LRRC37A2: variants seen among roughly 807,000 people sequenced by gnomAD.
LRRC37A2 encodes leucine-rich repeat-containing protein 37A2.
A neutral mutation model predicts 68.8 loss-of-function variants in LRRC37A2; 9 were observed. The ratio of observed to expected loss-of-function variants is 0.13; its 90% CI spans 0.08 to 0.23. LRRC37A2 has a LOEUF of 0.23. Ranked by LOEUF, LRRC37A2 falls within the 10% of genes least tolerant of loss-of-function variation. The pLI is 1.00. For missense variants in LRRC37A2, 168 were observed against 950.4 expected (o/e 0.18, Z 10.82); for synonymous variants, 63 against 367.6 (o/e 0.17, Z 9.48).
At chr17:46,824,731 C>A in the LRRC37A2 span, among the ~76,000 whole-genome samples, 2 of 152,244 alleles carry the variant, frequency 1.3e-5, no homozygotes, top group Non-Finnish European at 2.9e-5. Flanking sequence ...GGAGAGGGAG[C>A]AGGCAGGGCC....
the LRRC37A2 span, among the ~76,000 whole-genome samples, chr17:46,993,073 ATTTT>A: frequency 6.7e-6 from 1 of 149,304 alleles, no homozygotes; most frequent in African/African-American, 2.5e-5. Context: ...AGAGATTTTG[ATTTT>A]TTTTTTTTTT....
chr17:46,552,397 G>A (rs1475287455), intron 11 of LRRC37A2: 1 of 15,462 alleles, frequency 6.5e-5, no homozygotes, highest in Non-Finnish European at 1.2e-4. Context: ...GGATCCTCCT[G>A]CCTCAGCTTC....
the LRRC37A2 span, chr17:46,978,597 C>T: frequency 2.0e-6 from 3 of 1,535,356 alleles, no homozygotes; most frequent in East Asian, 2.6e-5. Context: ...TCCGGGTCTC[C>T]GGGGTCCTTC....
At chr17:46,912,027 G>A in the LRRC37A2 span, among the ~76,000 whole-genome samples, 5 of 152,198 alleles carry the variant, frequency 3.3e-5, no homozygotes, top group South Asian at 2.1e-4. Flanking sequence ...AACCCCCATC[G>A]CTTGATGTGA....
chr17:47,018,565 G>A, the LRRC37A2 span: 2 of 1,520,144 alleles, frequency 1.3e-6, no homozygotes, highest in Non-Finnish European at 1.8e-6. Flanking sequence ...CAGCACGGGG[G>A]CCCACATCTG....
the LRRC37A2 span, among the ~76,000 whole-genome samples, chr17:46,859,209 C>A: frequency 1.3e-5 from 2 of 152,136 alleles, no homozygotes; most frequent in Non-Finnish European, 2.9e-5. Flanking sequence ...CTCCTGACCT[C>A]AGGTGATCCA....
chr17:46,958,883 T>C, the LRRC37A2 span, among the ~76,000 whole-genome samples: 1 of 152,222 alleles, frequency 6.6e-6, no homozygotes, highest in Non-Finnish European at 1.5e-5. Context: ...GGCCCCTCAG[T>C]TTCCTCTACA....
the LRRC37A2 span, among the ~76,000 whole-genome samples, chr17:46,869,903 G>A: frequency 2.0e-5 from 3 of 152,082 alleles, no homozygotes; most frequent in African/African-American, 7.3e-5. Context: ...GGAGGCTGAG[G>A]CAGGAGAATT....
the LRRC37A2 span, chr17:46,935,197 A>G: frequency 1.9e-6 from 3 of 1,612,990 alleles, no homozygotes; most frequent in Non-Finnish European, 2.5e-6. Context: ...GGACAGAGAG[A>G]AGGCCTCTTG....
chr17:47,000,033 TA>T, the LRRC37A2 span, among the ~76,000 whole-genome samples: 434 of 21,386 alleles, frequency 0.02, 35 homozygotes, highest in African/African-American at 0.036. Flanking sequence ...TAAAATAAAA[TA>T]AAATAAAATA....
the LRRC37A2 span, among the ~76,000 whole-genome samples, chr17:47,001,717 C>CTTTTTTTTTTT: frequency 3.7e-5 from 4 of 108,608 alleles, no homozygotes; most frequent in East Asian, 2.5e-4. Flanking sequence ...CTCTTTTTTC[C>CTTTTTTTTTTT]TTTTTTTTTT....
chr17:46,772,451 G>A, the LRRC37A2 span, among the ~76,000 whole-genome samples: 3 of 152,344 alleles, frequency 2.0e-5, no homozygotes, highest in South Asian at 2.1e-4. Flanking sequence ...CTAGACGCAG[G>A]GTTGTTTGAT....
At chr17:46,944,232 G>A in the LRRC37A2 span, among the ~76,000 whole-genome samples, 1 of 152,264 alleles carries the variant, frequency 6.6e-6, no homozygotes, top group Non-Finnish European at 1.5e-5. Context: ...GAGGGAAGGA[G>A]TTGGAGACAA....
At chr17:46,405,669 C>T in the LRRC37A2 span, among the ~76,000 whole-genome samples, 10 of 60,384 alleles carry the variant, frequency 1.7e-4, no homozygotes, top group African/African-American at 5.2e-4. Context: ...ACCCGGGAGG[C>T]GGAGCTTGCA....
At chr17:46,994,616 A>C in the LRRC37A2 span, among the ~76,000 whole-genome samples, 126 of 152,214 alleles carry the variant, frequency 8.3e-4, 1 homozygote, top group Non-Finnish European at 2.9e-4. Flanking sequence ...ATTTTAAAGA[A>C]AAAAAGAAGC....
At chr17:46,895,962 G>A in the LRRC37A2 span, among the ~76,000 whole-genome samples, 4 of 152,032 alleles carry the variant, frequency 2.6e-5, no homozygotes, top group African/African-American at 9.7e-5. Flanking sequence ...GGGGCAGAGG[G>A]GGTTCCATCT....
the LRRC37A2 span, among the ~76,000 whole-genome samples, chr17:47,046,118 G>A: frequency 1.1e-5 from 1 of 93,478 alleles, no homozygotes; most frequent in Non-Finnish European, 2.2e-5. Flanking sequence ...CTTGAGCCCA[G>A]GAGTTCTACA....
the LRRC37A2 span, chr17:46,939,970 A>T: frequency 9.9e-7 from 1 of 1,009,678 alleles, no homozygotes; most frequent in South Asian, 4.1e-5. Flanking sequence ...ATGGCAAGAC[A>T]TAAAATGACA....
At chr17:46,844,253 A>G in the LRRC37A2 span, among the ~76,000 whole-genome samples, 1 of 151,296 alleles carries the variant, frequency 6.6e-6, no homozygotes, top group Non-Finnish European at 1.5e-5. Context: ...CACTGTATCC[A>G]GCCTATACTT....
Sources: allele counts gnomAD v4.1 joint callset (sites outside exome capture counted in the v4.1 genomes callset), GRCh38; gene constraint gnomAD v4.1.1; transcripts MANE v1.5; gene names NCBI Gene and HGNC (gene_info 2026-07-23, HGNC 2026-07-21).